Variants in JADE2 observed in about 807,000 individuals in gnomAD.
JADE2 encodes the protein E3 ubiquitin-protein ligase Jade-2.
Under a neutral mutation model 85.7 loss-of-function variants are expected in JADE2, and 13 were observed. That is an observed-to-expected ratio of 0.15 (90% CI 0.10 to 0.24). The LOEUF (loss-of-function observed/expected upper bound fraction) is 0.24. Among genes scored for constraint, JADE2 ranks in the 10% least tolerant of loss-of-function variants. The pLI, the probability that JADE2 is intolerant of heterozygous loss-of-function variation, is 1.00. For missense variants in JADE2, 846 were observed against 1,115.9 expected (o/e 0.76, Z 3.45); for synonymous variants, 440 against 456.1 (o/e 0.96, Z 0.45).
chr5:134,579,084 A>C lies in JADE2; in HGVS notation c.2272A>C (p.Ser758Arg). The C allele has an allele frequency of 1.2e-6, 2 of 1,613,920 alleles. No homozygotes were observed. Among genetic ancestry groups the C allele is most frequent in the Non-Finnish European group, 1.7e-6 (2 of 1,179,928 alleles). ...GGGCCGGCTCCGGCCACCCCGCGAGAGCAAGGTAACCCGGAGATTGCCGGG... is the reference window on the plus strand; with the variant it reads ...GGGCCGGCTCCGGCCACCCCGCGAGCGCAAGGTAACCCGGAGATTGCCGGG... ...PLGRLRPPRE[S>R]KVTRRLPGAR... Residue 758 changes from serine (S) to arginine (R), a missense_variant, in exon 12 of 12, where the codon AGC (serine) becomes CGC (arginine). Physicochemically the swap from Ser to Arg is moderately radical, Grantham distance 110 (BLOSUM62 -1). Around this residue, in one of 9 missense-constraint regions of JADE2, gnomAD observed 300 missense variants for 300.7 expected, o/e 1.00. Coordinates refer to ENST00000681547, the MANE Select transcript of JADE2 (RefSeq NM_001388185.1). This position sits in a 1 kb window ranked among gnomAD's most constrained non-coding sequence, Gnocchi z 4.6.
intron 1 of JADE2, among the ~76,000 whole-genome samples, chr5:134,535,281 G>A (rs1761516603): frequency 6.6e-6 from 1 of 152,172 alleles, no homozygotes; most frequent in Non-Finnish European, 1.5e-5. Flanking sequence ...CAGTCACCCT[G>A]GGCCTGATGT....
Position 134,562,345 on chromosome 5 carries a change from G to T in JADE2, c.830G>T (p.Ser277Ile), listed in dbSNP as rs1763375319. Residue 277 changes from serine to isoleucine, a missense_variant, in exon 7 of 12, where the codon AGC becomes ATC. Physicochemically the swap from Ser to Ile is moderately radical, Grantham distance 142. Coordinates refer to ENST00000681547, the MANE Select transcript of JADE2 (RefSeq NM_001388185.1). The surrounding 1 kb of genome is among the most constrained non-coding windows in gnomAD (Gnocchi z 4.6). ...AGTGGGACCAAGTGGGTGCATGTCA[G>T]CTGTGCCCTATGGATTCCTGAGGTG... ...TRSGTKWVHVSCALWIPEVSI... is the reference protein window; with the variant it reads ...TRSGTKWVHVICALWIPEVSI... 2 of 1,613,312 alleles carry T rather than the reference G, an allele frequency of 1.2e-6. No individual in the cohort carries two copies. The highest frequency in any genetic ancestry group is 1.3e-5 in the African/African-American group (1 of 74,914).
At chr5:134,568,606 G>T (rs1469560542) in intron 9 of JADE2, among the ~76,000 whole-genome samples, 1 of 152,214 alleles carries the variant, frequency 6.6e-6, no homozygotes, top group Non-Finnish European at 1.5e-5. Context: ...GCCTCTTACG[G>T]CTCAGGGGGC....
chr5:134,569,873 C>T (rs1763885777), intron 9 of JADE2, among the ~76,000 whole-genome samples: 1 of 152,138 alleles, frequency 6.6e-6, no homozygotes, highest in African/African-American at 2.4e-5. Flanking sequence ...ATCTCTAGGG[C>T]TCCCCCAACC....
intron 2 of JADE2, among the ~76,000 whole-genome samples, chr5:134,536,451 A>G (rs1186669813): frequency 6.6e-6 from 1 of 152,198 alleles, no homozygotes; most frequent in Non-Finnish European, 1.5e-5. Context: ...TCTTGGCAAT[A>G]GAATCCCAGA....
intron 4 of JADE2, 74 bp from the exon 5 acceptor site, chr5:134,559,756 G>T (rs1763210954): frequency 6.0e-6 from 9 of 1,491,044 alleles, no homozygotes; most frequent in South Asian, 1.3e-5. Flanking sequence ...AGCTGGACTG[G>T]TCAGCTCCCT....
In JADE2 at chr5:134,562,618, G is replaced by A. The variant is rs1175403845; in HGVS notation, c.852+251G>A. Among the ~76,000 whole-genome samples the A allele has an allele frequency of 6.6e-6, 1 of 152,008 alleles. No homozygotes were observed. The highest frequency in any genetic ancestry group is 1.5e-5 in the Non-Finnish European group (1 of 68,000). ...CAAAACCCCCTCTCTACAAAAATTA[G>A]GAGTGCATGGTGGCAGGCACCTGTA... On this transcript the variant is annotated intron_variant, in intron 7 of 11. Coordinates refer to ENST00000681547, the MANE Select transcript of JADE2 (RefSeq NM_001388185.1). The surrounding 1 kb of genome is among the most constrained non-coding windows in gnomAD (Gnocchi z 4.6).
intron 3 of JADE2, among the ~76,000 whole-genome samples, chr5:134,540,675 A>G (rs1761914288): frequency 1.3e-5 from 2 of 152,204 alleles, no homozygotes; most frequent in Admixed American, 1.3e-4. Flanking sequence ...CTGTCTTTCG[A>G]GAATCCCACC....
At chr5:134,571,447 C>A (rs924981614) in intron 9 of JADE2, among the ~76,000 whole-genome samples, 16 of 152,148 alleles carry the variant, frequency 1.1e-4, no homozygotes, top group African/African-American at 3.6e-4. Flanking sequence ...GCCTGTAATC[C>A]CAGAACTTTG....
Position 134,580,647 on chromosome 5 carries a change from T to A in JADE2, c.*1330T>A, listed in dbSNP as rs1030533734. ...GCCAGAACTTCTCCAAAAAGAACCTTGCAAAAAGTCCAGTGAATCAGTCGA... is the reference window on the plus strand; with the variant it reads ...GCCAGAACTTCTCCAAAAAGAACCTAGCAAAAAGTCCAGTGAATCAGTCGA... On this transcript the variant is annotated 3_prime_UTR_variant, in exon 12 of 12. Transcript: ENST00000681547. The A allele has an allele frequency of 6.6e-6, 1 of 152,328 alleles. No homozygotes were observed. Among genetic ancestry groups the A allele is most frequent in the African/African-American group, 2.4e-5 (1 of 41,368 alleles). The allele number at this position is 152,328 out of a possible 1,614,324, so 9.4% of individuals were successfully genotyped here. A position where few individuals can be genotyped will look rare whatever the true frequency, so the allele number is the denominator to read the frequency against.
At chr5:134,565,453 A>T (rs2149989907) in intron 8 of JADE2, among the ~76,000 whole-genome samples, 1 of 152,310 alleles carries the variant, frequency 6.6e-6, no homozygotes, top group East Asian at 1.9e-4. Flanking sequence ...CCAGAGGACA[A>T]AAAGGGGACC....
intron 9 of JADE2, among the ~76,000 whole-genome samples, chr5:134,572,857 G>GC (rs1561763208): frequency 1.3e-5 from 2 of 152,256 alleles, no homozygotes; most frequent in Non-Finnish European, 2.9e-5. Context: ...GCAAGCTGGT[G>GC]TCTAAGGCCC....
intron 4 of JADE2, among the ~76,000 whole-genome samples, chr5:134,556,687 CAT>C (rs1762950563): frequency 8.2e-6 from 1 of 122,542 alleles, no homozygotes; most frequent in African/African-American, 3.1e-5. Context: ...CACACACACA[CAT>C]CACACAACAC....
intron 9 of JADE2, among the ~76,000 whole-genome samples, chr5:134,572,608 T>C (rs1431125726): frequency 6.6e-6 from 1 of 152,222 alleles, no homozygotes; most frequent in Non-Finnish European, 1.5e-5. Flanking sequence ...GGATTCAAGC[T>C]GAGCAGCTTT....
chr5:134,553,392 T>C (rs1426381398), intron 4 of JADE2, among the ~76,000 whole-genome samples: 1 of 151,588 alleles, frequency 6.6e-6, no homozygotes, highest in Non-Finnish European at 1.5e-5. Flanking sequence ...TCTCGCTCTT[T>C]CGCCAGGCTG....
chr5:134,553,685 C>T (rs1762743608), intron 4 of JADE2, among the ~76,000 whole-genome samples: 1 of 152,178 alleles, frequency 6.6e-6, no homozygotes, highest in Non-Finnish European at 1.5e-5. Flanking sequence ...GAACCTTTTA[C>T]GGGAGTTCTT....
At chr5:134,553,456 C>G (rs184943839) in intron 4 of JADE2, among the ~76,000 whole-genome samples, 16 of 151,520 alleles carry the variant, frequency 1.1e-4, no homozygotes, top group Admixed American at 6.6e-4. Context: ...CGGGTTCATG[C>G]GATTCTCCTG....
At chr5:134,555,822 A>G (rs1317444837) in intron 4 of JADE2, among the ~76,000 whole-genome samples, 1 of 152,188 alleles carries the variant, frequency 6.6e-6, no homozygotes, top group Non-Finnish European at 1.5e-5. Context: ...TTGCTTCCAT[A>G]TGGAATCACC....
chr5:134,574,066 A>G, intron 10 of JADE2: 1 of 429,814 alleles, frequency 2.3e-6, no homozygotes, highest in Non-Finnish European at 4.3e-6. Context: ...GTGAACAGGT[A>G]CAGAGAAGAA....
Sources: gnomAD v4.1 joint callset for allele counts (sites outside exome capture counted in the v4.1 genomes callset) on GRCh38, gnomAD v4.1.1 for gene constraint, gnomAD v4.1.1 regional missense constraint, Gnocchi (gnomAD v3.1) non-coding constraint, MANE v1.5 for transcripts, NCBI Gene and HGNC (gene_info 2026-07-23, HGNC 2026-07-21) for gene names.